The following LARGE1 variants were observed in gnomAD, a reference collection of about 807,000 sequenced individuals.
The protein encoded by LARGE1 is xylosyl- and glucuronyltransferase LARGE1.
Under a neutral mutation model 87.6 loss-of-function variants are expected in LARGE1, and 43 were observed. The ratio of observed to expected loss-of-function variants is 0.49; its 90% CI spans 0.38 to 0.63. The LOEUF is 0.63. LARGE1 is among the 30% of genes least tolerant of loss of function. LARGE1 has a pLI of 0.00. For synonymous variants in LARGE1, 434 were observed against 394.6 expected (o/e 1.10, Z -1.18); for missense variants, 802 against 1,000.2 (o/e 0.80, Z 2.67).
chr22:33,700,565 C>T (rs2082375923), intron 2 of LARGE1, among the ~76,000 whole-genome samples: 2 of 152,084 alleles, frequency 1.3e-5, no homozygotes, highest in Admixed American at 6.5e-5. Context: ...CCAAGAGTCC[C>T]GGTGGACTTC....
intron 5 of LARGE1, among the ~76,000 whole-genome samples, chr22:33,576,511 G>A (rs2078356365): frequency 6.6e-6 from 1 of 152,108 alleles, no homozygotes; most frequent in South Asian, 2.1e-4. Context: ...GGTGGCTTTG[G>A]TGCTATTGTT....
chr22:33,604,032 G>A (rs986875544), intron 5 of LARGE1, among the ~76,000 whole-genome samples: 2 of 152,124 alleles, frequency 1.3e-5, no homozygotes, highest in Non-Finnish European at 2.9e-5. Context: ...GCAGAGATGC[G>A]TGGTTTACTT....
At chr22:33,195,659 G>A (rs1924025890) in intron 11 of LARGE1, among the ~76,000 whole-genome samples, 1 of 151,566 alleles carries the variant, frequency 6.6e-6, no homozygotes, top group Non-Finnish European at 1.5e-5. Flanking sequence ...AAATCTAGAT[G>A]ATACAGCTAA....
chr22:33,793,321 G>T (rs5999100), intron 1 of LARGE1, among the ~76,000 whole-genome samples: 1 of 152,128 alleles, frequency 6.6e-6, no homozygotes, highest in African/African-American at 2.4e-5. Context: ...AAAGATACTA[G>T]ACTTTTCCAG....
chr22:33,626,932 C>T (rs557974546), intron 3 of LARGE1, among the ~76,000 whole-genome samples: 15 of 152,196 alleles, frequency 9.9e-5, no homozygotes, highest in Non-Finnish European at 1.8e-4. Context: ...CTCAGGGTGA[C>T]CCTGGGAGTG....
chr22:33,625,703 A>G (rs139925176), intron 4 of LARGE1, among the ~76,000 whole-genome samples: 165 of 152,208 alleles, frequency 1.1e-3, no homozygotes, highest in South Asian at 8.5e-3. Flanking sequence ...TTCTCAATGT[A>G]TGTTCACATG....
At chr22:33,084,305 C>T in the LARGE1 span, among the ~76,000 whole-genome samples, 1 of 152,048 alleles carries the variant, frequency 6.6e-6, no homozygotes, top group East Asian at 1.9e-4. Flanking sequence ...GTTTAGTTTT[C>T]TGCTTGAAGG....
the LARGE1 span, among the ~76,000 whole-genome samples, chr22:33,112,218 C>A: frequency 6.6e-6 from 1 of 152,182 alleles, no homozygotes; most frequent in Non-Finnish European, 1.5e-5. Flanking sequence ...TGGCCTGAGC[C>A]AGAAAGACAA....
At chr22:33,831,202 T>C (rs1020637723) in intron 1 of LARGE1, among the ~76,000 whole-genome samples, 7 of 150,450 alleles carry the variant, frequency 4.7e-5, no homozygotes, top group African/African-American at 1.7e-4. Context: ...CGCCTCTGCC[T>C]CCCAAAGTGC....
intron 6 of LARGE1, among the ~76,000 whole-genome samples, chr22:33,435,510 GGT>G (rs1202981980): frequency 6.6e-6 from 1 of 152,042 alleles, no homozygotes; most frequent in Non-Finnish European, 1.5e-5. Flanking sequence ...TTCCTGATCG[GGT>G]GTGTGTTAGT....
chr22:33,250,859 G>T (rs1391047702), intron 11 of LARGE1, among the ~76,000 whole-genome samples: 2 of 152,274 alleles, frequency 1.3e-5, no homozygotes, highest in South Asian at 2.1e-4. Flanking sequence ...TTACTTGATG[G>T]TGTACAATTC....
intron 7 of LARGE1, among the ~76,000 whole-genome samples, chr22:33,417,332 T>C (rs1183007054): frequency 6.6e-6 from 1 of 152,218 alleles, no homozygotes; most frequent in Non-Finnish European, 1.5e-5. Context: ...CAGTGGCTTT[T>C]CAAGCCCCTT....
At chr22:33,628,095 C>T (rs1269639673) in intron 3 of LARGE1, among the ~76,000 whole-genome samples, 10 of 152,020 alleles carry the variant, frequency 6.6e-5, no homozygotes, top group Admixed American at 2.0e-4. Context: ...TATACCTGCT[C>T]CCAAGAAGAA....
chr22:33,862,028 T>C (rs925784772), intron 1 of LARGE1, among the ~76,000 whole-genome samples: 4 of 151,728 alleles, frequency 2.6e-5, no homozygotes, highest in Non-Finnish European at 5.9e-5. Flanking sequence ...CCGGCTCATT[T>C]TTTTGTATAT....
chr22:33,696,715 C>T (rs2082264980), intron 2 of LARGE1, among the ~76,000 whole-genome samples: 1 of 151,752 alleles, frequency 6.6e-6, no homozygotes, highest in Non-Finnish European at 1.5e-5. Context: ...TTTGAAATGG[C>T]ATCTCATTGT....
the LARGE1 span, among the ~76,000 whole-genome samples, chr22:33,106,824 G>A: frequency 6.6e-6 from 1 of 152,170 alleles, no homozygotes; most frequent in Non-Finnish European, 1.5e-5. Context: ...AGCAAAAACC[G>A]CAATTACTTT....
At chr22:33,260,551 T>C (rs985589516) in intron 11 of LARGE1, among the ~76,000 whole-genome samples, 5 of 147,872 alleles carry the variant, frequency 3.4e-5, no homozygotes, top group South Asian at 2.2e-4. Flanking sequence ...GTCTATTTCA[T>C]AGGGTTTGCC....
At chr22:33,208,444 C>A (rs938656814) in intron 11 of LARGE1, among the ~76,000 whole-genome samples, 1 of 152,150 alleles carries the variant, frequency 6.6e-6, no homozygotes, top group African/African-American at 2.4e-5. Flanking sequence ...AAAGATCAAA[C>A]GTTGTTACTC....
intron 1 of LARGE1, among the ~76,000 whole-genome samples, chr22:33,892,610 C>T (rs963726818): frequency 2.6e-5 from 4 of 152,194 alleles, no homozygotes; most frequent in Non-Finnish European, 5.9e-5. Context: ...TCATCTGGCT[C>T]TGAATAAATG....
Sources: allele counts gnomAD v4.1 joint callset (sites outside exome capture counted in the v4.1 genomes callset), GRCh38; gene constraint gnomAD v4.1.1; transcripts MANE v1.5; gene names NCBI Gene and HGNC (gene_info 2026-07-23, HGNC 2026-07-21).